SIL1: variants seen among roughly 807,000 people sequenced by gnomAD.
SIL1 encodes the protein SIL1 nucleotide exchange factor.
SIL1 carries 40 observed loss-of-function variants against 49.1 expected under a neutral mutation model. The observed-to-expected ratio is 0.81, with a 90% CI of 0.63 to 1.06. The LOEUF is 1.06. Among genes scored for constraint, SIL1 ranks in the 50% least tolerant of loss-of-function variants. The pLI is 0.00. For synonymous variants in SIL1, 253 were observed against 250.8 expected, an observed-to-expected ratio of 1.01 and a Z score of -0.08; for missense variants, 500 against 572.6, an observed-to-expected ratio of 0.87 and a Z score of 1.29.
chr5:139,155,448 T>TGAGAGAGAGAGAGAGAGAGAGAGAAA lies in SIL1; in HGVS notation c.-10-27596_-10-27595insTTTCTCTCTCTCTCTCTCTCTCTCTC, dbSNP rs1751387700. Reference sequence around the variant, plus strand: ...AGTATACACACACACGTACACAGAGTGAGAGAGAGAGAGAGAGAGAGAGAG... The same window carrying TGAGAGAGAGAGAGAGAGAGAGAGAAA: ...AGTATACACACACACGTACACAGAGTGAGAGAGAGAGAGAGAGAGAGAGAAAGAGAGAGAGAGAGAGAGAGAGAGAG... On this transcript the variant is annotated intron_variant, in intron 1 of 9. Coordinates refer to ENST00000394817, the MANE Select transcript of SIL1 (RefSeq NM_022464.5). The TGAGAGAGAGAGAGAGAGAGAGAGAAA allele has an allele frequency of 2.4e-5, 3 of 125,910 alleles. 1 individual carries two copies. Among genetic ancestry groups the TGAGAGAGAGAGAGAGAGAGAGAGAAA allele is most frequent in the Non-Finnish European group, 5.4e-5 (3 of 55,724 alleles). The allele number at this position is 125,910 out of a possible 1,614,324, so 7.8% of individuals were successfully genotyped here. A position where few individuals can be genotyped will look rare whatever the true frequency, so the allele number is the denominator to read the frequency against.
chr5:138,993,720 G>A (rs757266175), intron 7 of SIL1, among the ~76,000 whole-genome samples: 6 of 152,120 alleles, frequency 3.9e-5, no homozygotes, highest in Non-Finnish European at 5.9e-5. Context: ...ACAAACTAAG[G>A]TCTTTAATCT....
At chr5:139,004,793 T>C (rs1167785963) in intron 7 of SIL1, among the ~76,000 whole-genome samples, 1 of 152,156 alleles carries the variant, frequency 6.6e-6, no homozygotes, top group Non-Finnish European at 1.5e-5. Flanking sequence ...AAAGAAAAAC[T>C]GCCATTTGTG....
At chr5:139,011,527 T>G (rs1397093941) in intron 7 of SIL1, among the ~76,000 whole-genome samples, 1 of 152,210 alleles carries the variant, frequency 6.6e-6, no homozygotes, top group East Asian at 1.9e-4. Context: ...AGAGACAGGT[T>G]CTCGCTTTGT....
intron 1 of SIL1, among the ~76,000 whole-genome samples, chr5:139,156,668 T>G (rs1243606267): frequency 6.6e-6 from 1 of 152,166 alleles, no homozygotes; most frequent in Non-Finnish European, 1.5e-5. Flanking sequence ...ACATTGGCCT[T>G]GAAGACAGGA....
intron 1 of SIL1, among the ~76,000 whole-genome samples, chr5:139,163,401 G>A (rs4358513): frequency 0.14 from 20,934 of 151,434 alleles, 4,000 homozygotes; most frequent in African/African-American, 0.44. Context: ...ACAAGGTATC[G>A]CTCTGTCACC....
At chr5:139,173,808 A>T (rs1332931066) in intron 1 of SIL1, among the ~76,000 whole-genome samples, 1 of 145,276 alleles carries the variant, frequency 6.9e-6, no homozygotes, top group Non-Finnish European at 1.5e-5. Flanking sequence ...AAAAAAAAAA[A>T]ATTAGCCGGG....
chr5:139,009,456 A>G lies in SIL1; in HGVS notation c.767+11715T>C, dbSNP rs1464965756. On this transcript the variant is annotated intron_variant, in intron 7 of 9. Coordinates refer to ENST00000394817, the MANE Select transcript of SIL1 (RefSeq NM_022464.5). Reference sequence around the variant, plus strand: ...GTCTTTTAATTGGAGAATTTAGTCCATTTACATTTAAAGTTAATATTGTTA... The same window carrying G: ...GTCTTTTAATTGGAGAATTTAGTCCGTTTACATTTAAAGTTAATATTGTTA... 3.0e-5 allele frequency among the ~76,000 whole-genome samples: 4 copies of G among 134,066 alleles called. No individual in the cohort carries two copies. The East Asian group carries it at 8.7e-4, about 29-fold the overall frequency. 88.0% of individuals were successfully genotyped at this position (134,066 alleles called of 152,430 possible). A position where few individuals can be genotyped will look rare whatever the true frequency, so the allele number is the denominator to read the frequency against.
intron 1 of SIL1, among the ~76,000 whole-genome samples, chr5:139,169,783 A>G (rs1751699869): frequency 6.6e-6 from 1 of 150,388 alleles, no homozygotes; most frequent in African/African-American, 2.4e-5. Flanking sequence ...GCCCGGCCCA[A>G]GTATGGTATA....
In SIL1 at chr5:139,021,224, T is replaced by C. The variant is rs1581036406; in HGVS notation, c.714A>G (p.Thr238=). Residue 238 remains threonine (T), a synonymous_variant, in exon 7 of 10, where the codon ACA becomes ACG. Transcript: ENST00000394817. ...CAGCATACTCCTTCACGAGGGGCTC[T>C]GTGCTGTTCAGCCCATTGATCACCA... ...LQVVINGLNS[T]EPLVKEYAAF... is the part of the protein sequence containing the mutation. 1.2e-6 allele frequency: 2 copies of C among 1,614,178 alleles called. No individual in the cohort carries two copies. Among genetic ancestry groups the C allele is most frequent in the Non-Finnish European group, 1.7e-6 (2 of 1,180,028 alleles).
chr5:139,111,536 G>A (rs1438234796), intron 3 of SIL1, among the ~76,000 whole-genome samples: 1 of 152,142 alleles, frequency 6.6e-6, no homozygotes, highest in Admixed American at 6.5e-5. Flanking sequence ...CCACCTTCCT[G>A]TAGGGGGTCC....
At chr5:138,998,854 T>C in intron 7 of SIL1, among the ~76,000 whole-genome samples, 1 of 52,454 alleles carries the variant, frequency 1.9e-5, no homozygotes, top group South Asian at 5.2e-4. Flanking sequence ...TATCTTTCCT[T>C]TTTTTTTTTT....
At position 139,051,036 on chromosome 5, in the gene SIL1, G is replaced by A. The variant is rs1769273601; in HGVS notation, c.255C>T (p.Val85=). 1 of 1,613,946 alleles carries A rather than the reference G, an allele frequency of 6.2e-7. No homozygotes were observed. ...EWQALQPGQA[V]PAGSHVRLNL... ...TCAGCCGTACGTGGGATCCTGCAGG[G>A]ACAGCCTGCCCTAAAAGCCAAGAAG... is the stretch of plus-strand genomic sequence containing the variant. Residue 85 remains valine, a synonymous_variant, in exon 4 of 10, where the codon GTC becomes GTT. Transcript: ENST00000394817.
chr5:139,057,081 CT>C (rs1769463997), intron 3 of SIL1, among the ~76,000 whole-genome samples: 1 of 151,810 alleles, frequency 6.6e-6, no homozygotes, highest in Non-Finnish European at 1.5e-5. Flanking sequence ...ATTAAGGGCG[CT>C]GCAAGATGTG....
chr5:138,977,941 C>A (rs567928245), intron 7 of SIL1, among the ~76,000 whole-genome samples: 2 of 152,312 alleles, frequency 1.3e-5, no homozygotes, highest in East Asian at 3.8e-4. Context: ...CTGACTCAAT[C>A]TATATTTGAG....
intron 3 of SIL1, among the ~76,000 whole-genome samples, chr5:139,056,140 G>C (rs1488717838): frequency 6.6e-6 from 1 of 150,478 alleles, no homozygotes; most frequent in African/African-American, 2.5e-5. Flanking sequence ...CCATCGTCTG[G>C]GATGTGAGGA....
chr5:139,167,690 T>C (rs1010091929), intron 1 of SIL1, among the ~76,000 whole-genome samples: 3 of 152,342 alleles, frequency 2.0e-5, no homozygotes, highest in Admixed American at 2.0e-4. Flanking sequence ...AAATGTAGCG[T>C]AGCCTAAGTG....
intron 7 of SIL1, among the ~76,000 whole-genome samples, chr5:138,999,019 G>A (rs1438831116): frequency 3.9e-5 from 6 of 151,972 alleles, no homozygotes; most frequent in Non-Finnish European, 8.8e-5. Flanking sequence ...ACCACGCCCA[G>A]CTAATTTTTG....
intron 7 of SIL1, among the ~76,000 whole-genome samples, chr5:138,960,252 A>T (rs1273164109): frequency 1.3e-5 from 2 of 152,140 alleles, no homozygotes; most frequent in Admixed American, 6.5e-5. Flanking sequence ...CTGTTCCCAC[A>T]TCTTCACATG....
chr5:139,152,985 A>G (rs562016323), intron 1 of SIL1, among the ~76,000 whole-genome samples: 2 of 151,756 alleles, frequency 1.3e-5, no homozygotes, highest in East Asian at 1.9e-4. Context: ...CGCCCGGCTA[A>G]TTTTGTATTT....
Sources: allele counts gnomAD v4.1 joint callset (sites outside exome capture counted in the v4.1 genomes callset), GRCh38; gene constraint gnomAD v4.1.1; transcripts MANE v1.5; gene names NCBI Gene and HGNC (gene_info 2026-07-23, HGNC 2026-07-21).